Variants in GSG1L2 observed in about 807,000 individuals in gnomAD.
GSG1L2 encodes the protein GSG1 like 2, also known as germ cell-specific gene 1-like protein 2.
Under a neutral mutation model 9.0 loss-of-function variants are expected in GSG1L2, and 15 were observed. The ratio of observed to expected loss-of-function variants is 1.67; its 90% CI spans 1.12 to 2.57. The LOEUF (loss-of-function observed/expected upper bound fraction) is 2.57, where lower values mean the gene tolerates loss of function less well. GSG1L2 is among the 30% of genes most tolerant of loss of function. The probability of loss-of-function intolerance (pLI) is 0.00; values close to 1 mark genes in which losing one functional copy is unlikely to be tolerated. For missense variants in GSG1L2, 286 were observed against 150.3 expected, an observed-to-expected ratio of 1.90 and a Z score of -4.72; for synonymous variants, 127 against 57.9, an observed-to-expected ratio of 2.19 and a Z score of -5.41.
chr17:9,808,648 C>A (rs933918488), intron 3 of GSG1L2, among the ~76,000 whole-genome samples, 182 bp downstream of exon 3: 2 of 152,134 alleles, frequency 1.3e-5, no homozygotes, highest in African/African-American at 4.8e-5. Context: ...TCATCTGTCA[C>A]CCTAAAAATA....
rs2066592170 is a variant in GSG1L2 at position 9,821,990 on chromosome 17, TGACCACGGC to T, written c.73_81del (p.Ala25_Val27del). On this transcript the variant is annotated inframe_deletion, in exon 1 of 5. Transcript: ENST00000399363. ...CGGGTCCCCTCACACCAGTGGCTGCTGACCACGGCGGTGAGGGAGAAGGTGAGGGCGAGG... is the reference window on the plus strand; with the variant it reads ...CGGGTCCCCTCACACCAGTGGCTGCTGGTGAGGGAGAAGGTGAGGGCGAGG... The T allele has an allele frequency of 1.4e-6, 1 of 702,974 alleles. No individual in the cohort carries two copies. Among genetic ancestry groups the T allele is most frequent in the Non-Finnish European group, 2.6e-6 (1 of 385,022 alleles). The allele number at this position is 702,974 out of a possible 1,614,324, so 43.5% of individuals were successfully genotyped here.
rs765986845 is a variant in GSG1L2, at chr17:9,821,965, C to T, written c.107G>A (p.Arg36Gln). Reference sequence around the variant, plus strand: ...CTGGCACAGTGGCTTCACCACCCGTCGGGTCCCCTCACACCAGTGGCTGCT... The same window carrying T: ...CTGGCACAGTGGCTTCACCACCCGTTGGGTCCCCTCACACCAGTGGCTGCT... ...VVSSHWCEGT[R>Q]RVVKPLCQDQ... Residue 36 changes from arginine to glutamine, a missense_variant, in exon 1 of 5, where the codon CGA becomes CAA. Arg to Gln is a conservative substitution (Grantham distance 43). Coordinates refer to ENST00000399363, the MANE Select transcript of GSG1L2 (RefSeq NM_001310219.2). 18 of 703,098 alleles carry T rather than the reference C, an allele frequency of 2.6e-5. 1 individual carries two copies. Among genetic ancestry groups the T allele is most frequent in the South Asian group, 1.3e-4 (9 of 67,604 alleles). The allele number at this position is 703,098 out of a possible 1,614,324, so 43.6% of individuals were successfully genotyped here. A position where few individuals can be genotyped will look rare whatever the true frequency, so the allele number is the denominator to read the frequency against.
rs1375877472 is a variant in GSG1L2, at chr17:9,816,507, T to TGTGTGC, written c.310+5254_310+5255insGCACAC. Reference sequence around the variant, plus strand: ...GTGTGCATGTGTCTGTGTGTGCCTGTCTGTGTGTGCGTGTCTGTGTCTCTG... The same window carrying TGTGTGC: ...GTGTGCATGTGTCTGTGTGTGCCTGTGTGTGCCTGTGTGTGCGTGTCTGTGTCTCTG... On this transcript the variant is annotated intron_variant, in intron 1 of 4. Coordinates refer to ENST00000399363, the MANE Select transcript of GSG1L2 (RefSeq NM_001310219.2). 6.0e-3 allele frequency among the ~76,000 whole-genome samples: 868 copies of TGTGTGC among 145,754 alleles called. 9 individuals carry two copies. The highest frequency in any genetic ancestry group is 0.02 in the African/African-American group (785 of 38,806).
intron 2 of GSG1L2, chr17:9,809,367 G>A (rs1190993651): frequency 1.0e-5 from 3 of 297,314 alleles, no homozygotes; most frequent in African/African-American, 4.4e-5. Flanking sequence ...GACCTTCGCA[G>A]TGAGTGTTAC....
intron 1 of GSG1L2, among the ~76,000 whole-genome samples, chr17:9,819,202 A>G (rs1555566616): frequency 6.6e-6 from 1 of 152,268 alleles, no homozygotes; most frequent in Non-Finnish European, 1.5e-5. Flanking sequence ...GCAACTCCAG[A>G]AAAAGCAAAA....
At chr17:9,809,490 CG>C (rs2066530917) in intron 2 of GSG1L2, 1 of 156,748 alleles carries the variant, frequency 6.4e-6, no homozygotes, top group Admixed American at 6.3e-5. Flanking sequence ...GTGGCTGTGG[CG>C]GGCTGGGGTG....
rs2066496833 is a variant in GSG1L2 at position 9,801,528 on chromosome 17, C to CA, written c.*857dup. On this transcript the variant is annotated 3_prime_UTR_variant, in exon 5 of 5. Coordinates refer to ENST00000399363, the MANE Select transcript of GSG1L2 (RefSeq NM_001310219.2). ...ACTACACCCACCCCCTTTCTTTTTT[C>CA]AAAAAATCAAATTATGTGTGGAACA... Among the ~76,000 whole-genome samples, 1 of 151,788 alleles carries CA rather than the reference C, an allele frequency of 6.6e-6. No individual in the cohort carries two copies. The highest frequency in any genetic ancestry group is 2.4e-5 in the African/African-American group (1 of 41,362).
chr17:9,814,855 T>C (rs768653986), intron 1 of GSG1L2, among the ~76,000 whole-genome samples: 6 of 152,140 alleles, frequency 3.9e-5, no homozygotes, highest in Non-Finnish European at 7.4e-5. Flanking sequence ...GGTGCCTGTG[T>C]CCCTCTGTCC....
At position 9,821,860 on chromosome 17, in the gene GSG1L2, G is replaced by T; in HGVS notation, c.212C>A (p.Ala71Asp). 1 of 703,342 alleles carries T rather than the reference G, an allele frequency of 1.4e-6. No individual in the cohort carries two copies. Among genetic ancestry groups the T allele is most frequent in the Non-Finnish European group, 2.6e-6 (1 of 385,062 alleles). 43.6% of individuals were successfully genotyped at this position (703,342 alleles called of 1,614,324 possible). Reference protein sequence around the residue: ...SNGRMDNNSQAVLYIWELGDD... With the variant: ...SNGRMDNNSQDVLYIWELGDD... ...ACCCAGCTCCCAAATGTACAGGACA[G>T]CCTGGCTATTGTTGTCCATCCTGCC... Residue 71 changes from alanine to aspartate, a missense_variant, in exon 1 of 5, where the codon GCT becomes GAT. By Grantham distance (126) the Ala-to-Asp change is moderately radical (BLOSUM62 -2). Transcript: ENST00000399363.
chr17:9,807,841 C>G, intron 3 of GSG1L2: 1 of 438,710 alleles, frequency 2.3e-6, no homozygotes, highest in Non-Finnish European at 4.2e-6. Flanking sequence ...TCTCCATGGC[C>G]TGGTTCCTTC....
intron 1 of GSG1L2, among the ~76,000 whole-genome samples, chr17:9,818,994 T>C (rs2066578846): frequency 6.6e-6 from 1 of 152,230 alleles, no homozygotes; most frequent in African/African-American, 2.4e-5. Flanking sequence ...GAAATGACTG[T>C]CAGTGAATTC....
chr17:9,801,110 AATG>A lies in GSG1L2; in HGVS notation c.*1273_*1275del, dbSNP rs1173684540. 7.2e-5 allele frequency among the ~76,000 whole-genome samples: 11 copies of A among 152,294 alleles called. No homozygotes were observed. The highest frequency in any genetic ancestry group is 8.8e-5 in the Non-Finnish European group (6 of 68,022). Reference sequence around the variant, plus strand: ...ATTTTTATTGGATTTTTTTCCCAGAAATGATATGTTTACAAAACACGTGAATAT... The same window carrying A: ...ATTTTTATTGGATTTTTTTCCCAGAAATATGTTTACAAAACACGTGAATAT... On this transcript the variant is annotated 3_prime_UTR_variant, in exon 5 of 5. Transcript: ENST00000399363.
intron 1 of GSG1L2, among the ~76,000 whole-genome samples, chr17:9,816,438 CTGTGTGCGTGTGTCTG>C (rs1359600305): frequency 0.021 from 2,294 of 110,058 alleles, 63 homozygotes; most frequent in African/African-American, 0.077. Flanking sequence ...GTGTGTCTCT[CTGTGTGCGTGTGTCTG>C]TGTGTGCGTC....
chr17:9,811,822 A>G (rs2066539993), intron 1 of GSG1L2, among the ~76,000 whole-genome samples: 1 of 152,162 alleles, frequency 6.6e-6, no homozygotes, highest in Admixed American at 6.5e-5. Flanking sequence ...GTCCCGCTAC[A>G]TCACTGACTT....
Position 9,822,023 on chromosome 17 carries a change from G to A in GSG1L2, c.49C>T (p.Leu17Phe), listed in dbSNP as rs1002514668. The change falls in exon 1 of 5, where the codon CTC becomes TTC. Residue 17 changes from leucine to phenylalanine, a missense_variant. Transcript: ENST00000399363. The stretch of plus-strand genomic sequence containing the variant: ...GCGGTGAGGGAGAAGGTGAGGGCGA[G>A]GCAGACAGGGAGGAGGAGCAGCGCC... ...QQALLLLPVC[L>F]ALTFSLTAVV... 2.1e-5 allele frequency: 15 copies of A among 702,694 alleles called. No homozygotes were observed. Among genetic ancestry groups the A allele is most frequent in the Admixed American group, 6.0e-5 (3 of 49,996 alleles). The allele number at this position is 702,694 out of a possible 1,614,324, so 43.5% of individuals were successfully genotyped here.
At chr17:9,807,852 C>T in intron 3 of GSG1L2, 1 of 389,230 alleles carries the variant, frequency 2.6e-6, no homozygotes, top group Non-Finnish European at 4.8e-6. Context: ...TGGTTCCTTC[C>T]TAAGAAGATC....
rs945213684 is a variant in GSG1L2, at chr17:9,801,446, C to T, written c.*940G>A. ...GGCCAGGCTGGTCTCGAACTCCTGA[C>T]CTCAAGTGATCTGTCTACCTCGGCC... On this transcript the variant is annotated 3_prime_UTR_variant, in exon 5 of 5. Coordinates refer to ENST00000399363, the MANE Select transcript of GSG1L2 (RefSeq NM_001310219.2). 2.0e-5 allele frequency among the ~76,000 whole-genome samples: 3 copies of T among 151,990 alleles called. No homozygotes were observed. The highest frequency in any genetic ancestry group is 4.4e-5 in the Non-Finnish European group (3 of 68,004).
intron 1 of GSG1L2, among the ~76,000 whole-genome samples, chr17:9,816,427 CGTGT>C: frequency 1.0e-5 from 1 of 100,174 alleles, no homozygotes; most frequent in South Asian, 3.6e-4. Context: ...TGTGTGTGTG[CGTGT>C]GTCTCTCTGT....
chr17:9,820,752 TC>T lies in GSG1L2; in HGVS notation c.310+1009del, dbSNP rs2152025392. 6.6e-6 allele frequency among the ~76,000 whole-genome samples: 1 copy of T among 150,868 alleles called. No homozygotes were observed. Among genetic ancestry groups the T allele is most frequent in the African/African-American group, 2.4e-5 (1 of 41,058 alleles). The stretch of plus-strand genomic sequence containing the variant: ...ATGATGACTCACTGCAGCCTCAACC[TC>T]CCAGGCTCAAGTGATCCTCCCAGAG... On this transcript the variant is annotated intron_variant, in intron 1 of 4. Transcript: ENST00000399363. The surrounding 1 kb of genome is among the most constrained non-coding windows in gnomAD (Gnocchi z 4.9).
Sources: allele counts gnomAD v4.1 joint callset (sites outside exome capture counted in the v4.1 genomes callset), GRCh38; gene constraint gnomAD v4.1.1; non-coding constraint Gnocchi (gnomAD v3.1); transcripts MANE v1.5; gene names NCBI Gene and HGNC (gene_info 2026-07-23, HGNC 2026-07-21).